The following KIR3DL3 variants were observed in gnomAD, a reference collection of about 807,000 sequenced individuals.
KIR3DL3 encodes killer cell immunoglobulin-like receptor 3DL3.
Under a neutral mutation model 34.9 loss-of-function variants are expected in KIR3DL3, and 27 were observed. The observed-to-expected ratio is 0.77, with a 90% confidence interval of 0.57 to 1.07. The LOEUF (loss-of-function observed/expected upper bound fraction) is 1.07. Ranked by LOEUF, KIR3DL3 falls within the 50% of genes least tolerant of loss-of-function variation. The probability of loss-of-function intolerance (pLI) is 0.00; values close to 1 mark genes in which losing one functional copy is unlikely to be tolerated. For missense variants in KIR3DL3, 681 were observed against 528.5 expected (o/e 1.29, Z -2.83); for synonymous variants, 217 against 200.2 (o/e 1.08, Z -0.71).
At chr19:54,728,685 A>C (rs112921756) in intron 4 of KIR3DL3, among the ~76,000 whole-genome samples, 5,340 of 152,084 alleles carry the variant, frequency 0.035, 97 homozygotes, top group South Asian at 0.068. Context: ...GTATGATGGA[A>C]GGAAGCAGAG....
At chr19:54,725,513 C>T (rs2068070421) in intron 2 of KIR3DL3, among the ~76,000 whole-genome samples, 1 of 152,140 alleles carries the variant, frequency 6.6e-6, no homozygotes, top group African/African-American at 2.4e-5. Flanking sequence ...CAGGGGGAGA[C>T]TGAAGTGCTC....
chr19:54,734,895 G>A (rs534143384), intron 5 of KIR3DL3, among the ~76,000 whole-genome samples: 3 of 140,378 alleles, frequency 2.1e-5, no homozygotes, highest in Admixed American at 7.3e-5. Context: ...CAGTTCTCCA[G>A]GAACTAATAG....
At position 54,735,873 on chromosome 19, in the gene KIR3DL3, G is replaced by A. The variant is rs1329245034; in HGVS notation, c.1107+1G>A. On this transcript the variant is annotated splice_donor_variant, in intron 7 of 7. Coordinates refer to ENST00000291860, the MANE Select transcript of KIR3DL3 (RefSeq NM_153443.5). LOFTEE classifies it high-confidence loss of function. ...AGGGAACAGAACAGTGAACAGGGAG[G>A]TAGGTGCTCCTCCGCCCAGCCTCGT... 1 of 1,606,692 alleles carries A rather than the reference G, an allele frequency of 6.2e-7. No homozygotes were observed. Among genetic ancestry groups the A allele is most frequent in the Non-Finnish European group, 8.5e-7 (1 of 1,177,894 alleles).
At position 54,726,136 on chromosome 19, in the gene KIR3DL3, C is replaced by T. The variant is rs1568812117; in HGVS notation, c.154C>T (p.Arg52Cys). 8 of 1,613,068 alleles carry T rather than the reference C, an allele frequency of 5.0e-6. No homozygotes were observed. The highest frequency in any genetic ancestry group is 1.1e-5 in the South Asian group (1 of 91,022). ...ACATGTGACTCTTCAGTGTCGCTCT[C>T]GTCTTGGGTTTAATGAATTCAGTCT... Reference protein sequence around the residue: ...GQHVTLQCRSRLGFNEFSLSK... With the variant: ...GQHVTLQCRSCLGFNEFSLSK... Residue 52 changes from arginine (R) to cysteine (C), a missense_variant, in exon 3 of 8, where the codon CGT (arginine) becomes TGT (cysteine). Physicochemically the swap from Arg to Cys is radical, Grantham distance 180. Transcript: ENST00000291860.
At chr19:54,728,270 C>T (rs1384327970) in intron 4 of KIR3DL3, among the ~76,000 whole-genome samples, 2 of 149,974 alleles carry the variant, frequency 1.3e-5, no homozygotes, top group East Asian at 3.9e-4. Context: ...AAAGTGTTCT[C>T]TCCCAGGAGA....
chr19:54,732,253 G>GTTTTTTTTTGT, intron 5 of KIR3DL3, among the ~76,000 whole-genome samples: 1 of 90,942 alleles, frequency 1.1e-5, no homozygotes, highest in African/African-American at 3.7e-5. Flanking sequence ...TGTGTTTTTT[G>GTTTTTTTTTGT]TTTTCTTTTT....
At chr19:54,729,392 G>A in intron 4 of KIR3DL3, 101 bp from the exon 5 acceptor site, 1 of 1,217,512 alleles carries the variant, frequency 8.2e-7, no homozygotes, top group Non-Finnish European at 1.1e-6. Context: ...GAGAAAGAGA[G>A]CATTAAGTCA....
rs1401289523 is a variant in KIR3DL3, at chr19:54,733,539, A to G, written c.950-1714A>G. Among the ~76,000 whole-genome samples the G allele has an allele frequency of 9.9e-5, 14 of 142,086 alleles. No individual in the cohort carries two copies. In the South Asian group the frequency reaches 1.9e-3, roughly 19 times the overall value. 93.2% of individuals were successfully genotyped at this position (142,086 alleles called of 152,430 possible). ...CTCTGTCTCAAAAAATAAAAATAAA[A>G]CATACATAATTATGACACACAGAAA... is the stretch of plus-strand genomic sequence containing the variant. On this transcript the variant is annotated intron_variant, in intron 5 of 7. Transcript: ENST00000291860.
intron 4 of KIR3DL3, among the ~76,000 whole-genome samples, chr19:54,728,687 G>A (rs2068463868): frequency 6.6e-6 from 1 of 151,906 alleles, no homozygotes; most frequent in Non-Finnish European, 1.5e-5. Context: ...ATGATGGAAG[G>A]AAGCAGAGAA....
At chr19:54,725,380 G>T in intron 2 of KIR3DL3, 98 bp downstream of exon 2, 3 of 920,486 alleles carry the variant, frequency 3.3e-6, no homozygotes, top group Non-Finnish European at 4.8e-6. Flanking sequence ...CTGATGGGCT[G>T]ACCATGGGAA....
At chr19:54,734,321 G>C (rs2069184872) in intron 5 of KIR3DL3, among the ~76,000 whole-genome samples, 1 of 151,258 alleles carries the variant, frequency 6.6e-6, no homozygotes. Flanking sequence ...CAGGGAGACA[G>C]AACACACAGA....
chr19:54,729,453 G>C (rs28406252), intron 4 of KIR3DL3, 40 bp from the exon 5 acceptor site: 861,095 of 1,390,374 alleles, frequency 0.62, 277,263 homozygotes, highest in East Asian at 0.92. Context: ...GCTGTGACAA[G>C]GAAGAACCTC....
At position 54,729,494 on chromosome 19, in the gene KIR3DL3, T is replaced by A; in HGVS notation, c.657T>A (p.Gly219=). 6.3e-7 allele frequency: 1 copy of A among 1,596,054 alleles called. No homozygotes were observed. Among genetic ancestry groups the A allele is most frequent in the Admixed American group, 1.8e-5 (1 of 56,990 alleles). Residue 219 remains glycine (G), a splice_region_variant and synonymous_variant, in exon 5 of 8, where the codon GGT becomes GGA. Transcript: ENST00000291860. ...GGAAACCACCTCTTCTTCTTCCAGG[T>A]CTATATGGGAAACCTTCTCTCTCAG... ...PSDPLDIVVV[G]LYGKPSLSAQ...
intron 5 of KIR3DL3, among the ~76,000 whole-genome samples, chr19:54,732,277 GTC>G (rs1175627896): frequency 6.7e-6 from 1 of 148,184 alleles, no homozygotes; most frequent in Non-Finnish European, 1.5e-5. Context: ...TTTGAGTAGA[GTC>G]TCTCTCTGTT....
chr19:54,732,248 T>G (rs370250465), intron 5 of KIR3DL3, among the ~76,000 whole-genome samples: 6,464 of 114,240 alleles, frequency 0.057, 173 homozygotes, highest in South Asian at 0.095. Flanking sequence ...GTGTGTGTGT[T>G]TTTTGTTTTC....
At position 54,727,751 on chromosome 19, in the gene KIR3DL3, C is replaced by A. The variant is rs200260605; in HGVS notation, c.496C>A (p.Arg166Ser). ...AGAGGGGATCACTGAGGACCCCTTGCGCCTCGTTGGACAGCTCCACGATGC... is the reference window on the plus strand; with the variant it reads ...AGAGGGGATCACTGAGGACCCCTTGAGCCTCGTTGGACAGCTCCACGATGC... ...HREGITEDPLRLVGQLHDAGS... is the reference protein window; with the variant it reads ...HREGITEDPLSLVGQLHDAGS... The change falls in exon 4 of 8, where the codon CGC becomes AGC. Residue 166 changes from arginine to serine, a missense_variant. Physicochemically the swap from Arg to Ser is moderately radical, Grantham distance 110. Coordinates refer to ENST00000291860, the MANE Select transcript of KIR3DL3 (RefSeq NM_153443.5). 157 of 1,612,782 alleles carry A rather than the reference C, an allele frequency of 9.7e-5. No individual in the cohort carries two copies. The highest frequency in any genetic ancestry group is 2.5e-4 in the Admixed American group (15 of 59,848).
intron 3 of KIR3DL3, among the ~76,000 whole-genome samples, chr19:54,727,234 C>A (rs2068282406): frequency 8.5e-6 from 1 of 117,928 alleles, no homozygotes; most frequent in Non-Finnish European, 1.8e-5. Context: ...TTCGTACCTC[C>A]TGCCGGCCTT....
intron 4 of KIR3DL3, 82 bp from the exon 5 acceptor site, chr19:54,729,411 G>A (rs2068556274): frequency 1.5e-6 from 2 of 1,290,982 alleles, no homozygotes; most frequent in Non-Finnish European, 2.1e-6. Flanking sequence ...CATAGAGCAG[G>A]GGAGTGAGTT....
intron 4 of KIR3DL3, 125 bp from the exon 5 acceptor site, chr19:54,729,368 T>C: frequency 9.3e-7 from 1 of 1,075,364 alleles, no homozygotes; most frequent in South Asian, 1.8e-5. Context: ...GAGATGGGGG[T>C]GGAGGGTGAG....
Sources: gnomAD v4.1 joint callset for allele counts (sites outside exome capture counted in the v4.1 genomes callset) on GRCh38, gnomAD v4.1.1 for gene constraint, MANE v1.5 for transcripts, NCBI Gene and HGNC (gene_info 2026-07-23, HGNC 2026-07-21) for gene names.